Variants in TRIP11 observed in about 807,000 individuals in gnomAD.
TRIP11 encodes thyroid receptor-interacting protein 11.
TRIP11 carries 148 observed loss-of-function variants against 223.1 expected under a neutral mutation model. The observed-to-expected ratio is 0.66, with a 90% CI of 0.58 to 0.76. The LOEUF (loss-of-function observed/expected upper bound fraction) is 0.76, where lower values mean the gene tolerates loss of function less well. Among genes scored for constraint, TRIP11 ranks in the 30% least tolerant of loss-of-function variants. TRIP11 has a pLI of 0.00. For synonymous variants in TRIP11, 762 were observed against 772.6 expected, an observed-to-expected ratio of 0.99 and a Z score of 0.23; for missense variants, 2,043 against 2,222.0, an observed-to-expected ratio of 0.92 and a Z score of 1.62.
chr14:92,018,163 T>C (rs530209111), intron 4 of TRIP11, among the ~76,000 whole-genome samples: 18 of 151,762 alleles, frequency 1.2e-4, no homozygotes, highest in Non-Finnish European at 2.4e-4. Context: ...GGTGTGATCA[T>C]GGCTCACTGC....
intron 19 of TRIP11, among the ~76,000 whole-genome samples, chr14:91,973,383 T>C (rs987471662): frequency 6.6e-6 from 1 of 152,132 alleles, no homozygotes; most frequent in African/African-American, 2.4e-5. Context: ...ATTTAATCAA[T>C]AGTCTGATGG....
In TRIP11 at chr14:92,037,909, G is replaced by C. The variant is rs1196652033; in HGVS notation, c.139+1638C>G. Reference sequence around the variant, plus strand: ...GGTTTGGATTTTATTCTGTAACAGGGTCAAGAAATTTTTACGCAGGTTTGT... The same window carrying C: ...GGTTTGGATTTTATTCTGTAACAGGCTCAAGAAATTTTTACGCAGGTTTGT... On this transcript the variant is annotated intron_variant, in intron 1 of 20. Coordinates refer to ENST00000267622, the MANE Select transcript of TRIP11 (RefSeq NM_004239.4). The surrounding 1 kb of genome is among the most constrained non-coding windows in gnomAD (Gnocchi z 4.2). Among the ~76,000 whole-genome samples, 3 of 152,134 alleles carry C rather than the reference G, an allele frequency of 2.0e-5. No homozygotes were observed. Among genetic ancestry groups the C allele is most frequent in the African/African-American group, 7.2e-5 (3 of 41,412 alleles).
At chr14:92,002,832 T>A (rs113923445) in intron 11 of TRIP11, among the ~76,000 whole-genome samples, 1,731 of 152,090 alleles carry the variant, frequency 0.011, 30 homozygotes, top group South Asian at 0.036. Flanking sequence ...CCACCCACCT[T>A]GGCCTCCCAA....
rs576885182 is a variant in TRIP11, at chr14:92,006,371, A to G, written c.1605T>C (p.Asp535=). The change falls in exon 11 of 21, where the codon GAT becomes GAC. Residue 535 remains aspartate (D), a synonymous_variant. Coordinates refer to ENST00000267622, the MANE Select transcript of TRIP11 (RefSeq NM_004239.4). ...GDSIISKLKQ[D]LNDEKKRVHQ... is the part of the protein sequence containing the mutation. ...GAACTCTCTTTTTTTCATCATTTAGATCTTGTTTCAGTTTACTGATGATGC... is the reference window on the plus strand; with the variant it reads ...GAACTCTCTTTTTTTCATCATTTAGGTCTTGTTTCAGTTTACTGATGATGC... The G allele has an allele frequency of 4.3e-6, 7 of 1,612,554 alleles. No individual in the cohort carries two copies. The highest frequency in any genetic ancestry group is 2.7e-5 in the African/African-American group (2 of 74,916).
intron 5 of TRIP11, among the ~76,000 whole-genome samples, chr14:92,016,633 G>GA (rs1595398194): frequency 6.7e-6 from 1 of 150,066 alleles, no homozygotes; most frequent in Non-Finnish European, 1.5e-5. Context: ...ATGGAAAAAA[G>GA]AAAAAAAAAG....
chr14:91,987,046 T>C (rs1447105634), intron 16 of TRIP11, among the ~76,000 whole-genome samples: 1 of 152,206 alleles, frequency 6.6e-6, no homozygotes, highest in Non-Finnish European at 1.5e-5. Context: ...ATCTATAAAA[T>C]GGATAATACC....
At chr14:92,000,929 C>T (rs2056817988) in intron 11 of TRIP11, among the ~76,000 whole-genome samples, 1 of 150,486 alleles carries the variant, frequency 6.6e-6, no homozygotes, top group Non-Finnish European at 1.5e-5. Flanking sequence ...GGCGCGATCT[C>T]GGTTCACTGC....
At chr14:91,973,765 G>A (rs1327390667) in intron 19 of TRIP11, among the ~76,000 whole-genome samples, 1 of 152,104 alleles carries the variant, frequency 6.6e-6, no homozygotes, top group African/African-American at 2.4e-5. Flanking sequence ...AGTGGCTCAC[G>A]CCTGTAACCC....
intron 18 of TRIP11, 102 bp from the exon 19 acceptor site, chr14:91,974,845 T>A: frequency 2.1e-6 from 2 of 958,930 alleles, no homozygotes; most frequent in Non-Finnish European, 3.2e-6. Flanking sequence ...AGCATGCTTT[T>A]CAAGTTCAAG....
chr14:91,969,572 A>G lies in TRIP11; in HGVS notation c.*101T>C, dbSNP rs1488881926. On this transcript the variant is annotated 3_prime_UTR_variant, in exon 21 of 21. Coordinates refer to ENST00000267622, the MANE Select transcript of TRIP11 (RefSeq NM_004239.4). ...TCAGAGAAAGCATAATTGCGAACAA[A>G]TACATGACTTTCTCCCCAAAGGCCA... 1 of 1,168,190 alleles carries G rather than the reference A, an allele frequency of 8.6e-7. No individual in the cohort carries two copies. The highest frequency in any genetic ancestry group is 1.3e-6 in the Non-Finnish European group (1 of 781,226). 72.4% of individuals were successfully genotyped at this position (1,168,190 alleles called of 1,614,324 possible). A position where few individuals can be genotyped will look rare whatever the true frequency, so the allele number is the denominator to read the frequency against.
chr14:92,024,070 G>T (rs945410978), intron 3 of TRIP11, among the ~76,000 whole-genome samples: 5 of 151,906 alleles, frequency 3.3e-5, no homozygotes, highest in African/African-American at 1.2e-4. Context: ...AAAAAAAGTA[G>T]CCTTGTAACT....
At position 92,021,673 on chromosome 14, in the gene TRIP11, G is replaced by A. The variant is rs1186266522; in HGVS notation, c.471C>T (p.Phe157=). ...CACCAAAGTCCATGTCATCGTCATGGAAAGCTGAAGGATGATGACTAATCC... is the reference window on the plus strand; with the variant it reads ...CACCAAAGTCCATGTCATCGTCATGAAAAGCTGAAGGATGATGACTAATCC... The part of the protein sequence containing the change: ...AYGISHHPSA[F]HDDDMDFGDI... Residue 157 remains phenylalanine, a synonymous_variant, in exon 4 of 21, where the codon TTC becomes TTT. Coordinates refer to ENST00000267622, the MANE Select transcript of TRIP11 (RefSeq NM_004239.4). 1.2e-6 allele frequency: 2 copies of A among 1,614,136 alleles called. No homozygotes were observed. The highest frequency in any genetic ancestry group is 3.3e-5 in the Admixed American group (2 of 60,014).
chr14:92,014,224 C>T lies in TRIP11; in HGVS notation c.1177G>A (p.Ala393Thr). ...TCCAAAGACTGTATACCAGACAGTG[C>T]TTGTTGTAGTCTGAACACTTCTTCC... ...SVEEVFRLQQ[A>T]LSDAENEIMR... The change falls in exon 7 of 21, where the codon GCA becomes ACA. Residue 393 changes from alanine (A) to threonine (T), a missense_variant. Physicochemically the swap from Ala to Thr is moderately conservative, Grantham distance 58. Transcript: ENST00000267622. 6.2e-7 allele frequency: 1 copy of T among 1,613,990 alleles called. No individual in the cohort carries two copies.
At position 92,005,871 on chromosome 14, in the gene TRIP11, T is replaced by G; in HGVS notation, c.2105A>C (p.Gln702Pro). Residue 702 changes from glutamine to proline, a missense_variant, in exon 11 of 21, where the codon CAG becomes CCG. Coordinates refer to ENST00000267622, the MANE Select transcript of TRIP11 (RefSeq NM_004239.4). ...AATAGTGTTTTTTTCCAGAGAAAGCTGATTGTTACCAGCAAGACATTCTTC... is the reference window on the plus strand; with the variant it reads ...AATAGTGTTTTTTTCCAGAGAAAGCGGATTGTTACCAGCAAGACATTCTTC... Reference protein sequence around the residue: ...QLEECLAGNNQLSLEKNTIVE... With the variant: ...QLEECLAGNNPLSLEKNTIVE... 1 of 1,614,086 alleles carries G rather than the reference T, an allele frequency of 6.2e-7. No individual in the cohort carries two copies. Among genetic ancestry groups the G allele is most frequent in the East Asian group, 2.2e-5 (1 of 44,854 alleles).
At chr14:91,973,193 T>A (rs1392858376) in intron 19 of TRIP11, among the ~76,000 whole-genome samples, 1 of 152,048 alleles carries the variant, frequency 6.6e-6, no homozygotes, top group African/African-American at 2.4e-5. Context: ...GCCCGGCTAA[T>A]TTTTGCATTT....
intron 16 of TRIP11, among the ~76,000 whole-genome samples, chr14:91,976,789 T>C (rs2056470256): frequency 6.6e-6 from 1 of 152,182 alleles, no homozygotes; most frequent in Non-Finnish European, 1.5e-5. Context: ...GCCTGGACTA[T>C]TTTATTTTTA....
At chr14:92,026,094 T>G (rs1250846841) in intron 2 of TRIP11, among the ~76,000 whole-genome samples, 1 of 152,234 alleles carries the variant, frequency 6.6e-6, no homozygotes. Flanking sequence ...ACTTTTGTTT[T>G]CTTCCCCAAA....
chr14:92,004,376 A>T lies in TRIP11; in HGVS notation c.3600T>A (p.Asn1200Lys). Residue 1200 changes from asparagine to lysine, a missense_variant, in exon 11 of 21, where the codon AAT (asparagine) becomes AAA (lysine). Physicochemically the swap from Asn to Lys is moderately conservative, Grantham distance 94 (BLOSUM62 0). Transcript: ENST00000267622. ...GTAGAAGCTCCTCAAATTGATTACTATTAACACCTCCAGCCTCATTACCAG... is the reference window on the plus strand; with the variant it reads ...GTAGAAGCTCCTCAAATTGATTACTTTTAACACCTCCAGCCTCATTACCAG... ...SSTGNEAGGV[N>K]SNQFEELLQE... 6.2e-7 allele frequency: 1 copy of T among 1,614,070 alleles called. No homozygotes were observed. The highest frequency in any genetic ancestry group is 8.5e-7 in the Non-Finnish European group (1 of 1,180,028).
In TRIP11 at chr14:92,014,309, A is replaced by G; in HGVS notation, c.1092T>C (p.Ala364=). ...KLECSKLQPS[A]VKQSDTMTEK... ...CTGTCATAGTATCACTTTGCTTCAC[A>G]GCAGAAGGCTGCAATTTACTACATT... The change falls in exon 7 of 21, where the codon GCT becomes GCC. Residue 364 remains alanine, a synonymous_variant. Transcript: ENST00000267622. 6.2e-7 allele frequency: 1 copy of G among 1,614,110 alleles called. No homozygotes were observed. The highest frequency in any genetic ancestry group is 8.5e-7 in the Non-Finnish European group (1 of 1,180,004).
Sources: gnomAD v4.1 joint callset for allele counts (sites outside exome capture counted in the v4.1 genomes callset) on GRCh38, gnomAD v4.1.1 for gene constraint, Gnocchi (gnomAD v3.1) non-coding constraint, MANE v1.5 for transcripts, NCBI Gene and HGNC (gene_info 2026-07-23, HGNC 2026-07-21) for gene names.